Variants in RXRA observed in about 807,000 individuals in gnomAD.
RXRA encodes the protein retinoic acid receptor RXR-alpha.
Under a neutral mutation model 44.5 loss-of-function variants are expected in RXRA, and 5 were observed. The observed-to-expected ratio is 0.11, with a 90% CI of 0.06 to 0.24. The LOEUF (loss-of-function observed/expected upper bound fraction) is 0.24. RXRA is among the 10% of genes least tolerant of loss of function. The probability of loss-of-function intolerance (pLI) is 1.00; values close to 1 mark genes in which losing one functional copy is unlikely to be tolerated. For missense variants in RXRA, 412 were observed against 646.5 expected (o/e 0.64, Z 3.93); for synonymous variants, 291 against 271.4 (o/e 1.07, Z -0.71).
intron 1 of RXRA, among the ~76,000 whole-genome samples, chr9:134,401,065 A>G (rs981339043): frequency 1.3e-5 from 2 of 152,222 alleles, no homozygotes; most frequent in African/African-American, 2.4e-5. Context: ...CTGAGTACTC[A>G]GGGCCTGGCT....
chr9:134,380,104 G>A lies in RXRA; in HGVS notation c.29-21528G>A, dbSNP rs904898960. 9.1e-6 allele frequency: 9 copies of A among 985,332 alleles called. No homozygotes were observed. The Admixed American group carries it at 1.8e-4, about 20-fold the overall frequency. The allele number at this position is 985,332 out of a possible 1,614,324, so 61.0% of individuals were successfully genotyped here. A position where few individuals can be genotyped will look rare whatever the true frequency, so the allele number is the denominator to read the frequency against. Reference sequence around the variant, plus strand: ...CTCTGTTGTCGTGGTCAGTCGTGCCGCCTGAGGGCCAAGTGTGGCCTTGGC... The same window carrying A: ...CTCTGTTGTCGTGGTCAGTCGTGCCACCTGAGGGCCAAGTGTGGCCTTGGC... On this transcript the variant is annotated intron_variant, in intron 1 of 9. Coordinates refer to ENST00000481739, the MANE Select transcript of RXRA (RefSeq NM_002957.6).
At chr9:134,337,474 G>A (rs1830025200) in intron 1 of RXRA, among the ~76,000 whole-genome samples, 1 of 152,190 alleles carries the variant, frequency 6.6e-6, no homozygotes, top group African/African-American at 2.4e-5. Context: ...ATATGACCTT[G>A]GACCAGATGT....
chr9:134,338,422 C>T (rs1830039971), intron 1 of RXRA, among the ~76,000 whole-genome samples: 2 of 152,244 alleles, frequency 1.3e-5, no homozygotes, highest in African/African-American at 4.8e-5. Flanking sequence ...TGACGGGCCT[C>T]CAGCCCAAGT....
intron 4 of RXRA, among the ~76,000 whole-genome samples, chr9:134,413,410 C>T (rs757865290): frequency 3.3e-5 from 5 of 152,070 alleles, no homozygotes; most frequent in Non-Finnish European, 5.9e-5. Context: ...GCATGGTTCT[C>T]GTGTTCTGAT....
rs1831087284 is a variant in RXRA at position 134,408,161 on chromosome 9, A to G, written c.292A>G (p.Met98Val). The change falls in exon 3 of 10, where the codon ATG becomes GTG. Residue 98 changes from methionine to valine, a missense_variant. This residue lies in a region of RXRA where 156 missense variants were observed against 177.2 expected (regional missense o/e 0.88). Transcript: ENST00000481739. The part of the protein sequence containing the change: ...STGSPQLSSP[M>V]NPVSSSEDIK... The stretch of plus-strand genomic sequence containing the variant: ...TTGCCCCCCCCAGCTCAGCTCACCT[A>G]TGAACCCCGTCAGCAGCAGCGAGGA... 5.1e-6 allele frequency: 8 copies of G among 1,577,486 alleles called. 1 individual carries two copies. The highest frequency in any genetic ancestry group is 6.9e-6 in the Non-Finnish European group (8 of 1,162,214).
intron 4 of RXRA, among the ~76,000 whole-genome samples, chr9:134,410,187 T>C (rs1364829507): frequency 6.6e-6 from 1 of 152,218 alleles, no homozygotes; most frequent in Non-Finnish European, 1.5e-5. Context: ...GCTGCGAGGC[T>C]GAGTGTGGTG....
intron 1 of RXRA, among the ~76,000 whole-genome samples, chr9:134,350,314 C>G (rs889690032): frequency 6.6e-6 from 1 of 152,166 alleles, no homozygotes; most frequent in African/African-American, 2.4e-5. Context: ...TGGCCCCCGC[C>G]TCGCCAGCTG....
chr9:134,375,948 C>T (rs1830550703), intron 1 of RXRA, among the ~76,000 whole-genome samples: 1 of 145,446 alleles, frequency 6.9e-6, no homozygotes, highest in South Asian at 2.2e-4. Flanking sequence ...CCCTCCCTCC[C>T]TCCCTCTCTC....
Position 134,343,847 on chromosome 9 carries a change from C to A in RXRA, c.28+17188C>A, listed in dbSNP as rs1830117116. Among the ~76,000 whole-genome samples, 1 of 152,140 alleles carries A rather than the reference C, an allele frequency of 6.6e-6. No individual in the cohort carries two copies. The highest frequency in any genetic ancestry group is 1.5e-5 in the Non-Finnish European group (1 of 68,020). ...GAGTGTTTCTTCCCGGAAGGCGGGG[C>A]CAGCTGGCTGGGTCAGCAGATGGGC... On this transcript the variant is annotated intron_variant, in intron 1 of 9. Coordinates refer to ENST00000481739, the MANE Select transcript of RXRA (RefSeq NM_002957.6). This position sits in a 1 kb window ranked among gnomAD's most constrained non-coding sequence, Gnocchi z 4.1.
intron 6 of RXRA, chr9:134,424,440 T>TC: frequency 2.0e-6 from 2 of 985,426 alleles, no homozygotes; most frequent in Non-Finnish European, 2.4e-6. Flanking sequence ...CTGACCTGTC[T>TC]CCAGTGGGCC....
chr9:134,382,129 G>GC (rs1830655770), intron 1 of RXRA, among the ~76,000 whole-genome samples: 1 of 151,976 alleles, frequency 6.6e-6, no homozygotes, highest in South Asian at 2.1e-4. Flanking sequence ...AGGATGTGGG[G>GC]GGGCGCAGGG....
intron 9 of RXRA, among the ~76,000 whole-genome samples, chr9:134,435,961 G>C (rs1831612828): frequency 6.6e-6 from 1 of 152,166 alleles, no homozygotes; most frequent in South Asian, 2.1e-4. Context: ...AACCTCCTGG[G>C]CTCAAGCGGT....
intron 1 of RXRA, among the ~76,000 whole-genome samples, chr9:134,369,420 G>A (rs1288160958): frequency 1.6e-5 from 2 of 124,818 alleles, no homozygotes; most frequent in African/African-American, 6.2e-5. Context: ...GGTTATATGT[G>A]TGTGAGTGCA....
Position 134,399,382 on chromosome 9 carries a change from A to T in RXRA, c.29-2250A>T, listed in dbSNP as rs1308815373. 2.0e-5 allele frequency among the ~76,000 whole-genome samples: 3 copies of T among 152,212 alleles called. No homozygotes were observed. The East Asian group carries it at 5.8e-4, about 29-fold the overall frequency. ...TGGTGGTAGCTTCTCCAAGAGTTGC[A>T]GGAATCAGTAACATCAGGTTATGCA... On this transcript the variant is annotated intron_variant, in intron 1 of 9. Transcript: ENST00000481739.
chr9:134,387,830 G>T (rs958127991), intron 1 of RXRA, among the ~76,000 whole-genome samples: 2 of 152,166 alleles, frequency 1.3e-5, no homozygotes, highest in African/African-American at 4.8e-5. Flanking sequence ...CCCCAAGCCC[G>T]TGCCTCGCTT....
chr9:134,373,100 C>T (rs114874470), intron 1 of RXRA, among the ~76,000 whole-genome samples: 357 of 152,236 alleles, frequency 2.3e-3, no homozygotes, highest in African/African-American at 8.2e-3. Flanking sequence ...GAAGCGGGTG[C>T]CCAGAGAGGG....
intron 1 of RXRA, among the ~76,000 whole-genome samples, chr9:134,387,800 G>A (rs764207410): frequency 3.3e-5 from 5 of 152,214 alleles, no homozygotes; most frequent in South Asian, 2.1e-4. Flanking sequence ...GGCATCTCTG[G>A]GCTCAGCTTC....
At chr9:134,362,465 T>C (rs1830364042) in intron 1 of RXRA, among the ~76,000 whole-genome samples, 1 of 152,246 alleles carries the variant, frequency 6.6e-6, no homozygotes, top group South Asian at 2.1e-4. Context: ...TGTCCAAGGT[T>C]TGGCTTCCCC....
chr9:134,395,473 G>A (rs1291095993), intron 1 of RXRA, among the ~76,000 whole-genome samples: 1 of 152,236 alleles, frequency 6.6e-6, no homozygotes, highest in East Asian at 1.9e-4. Flanking sequence ...GTGTGGGGCC[G>A]GCAGTCCTTA....
Sources: allele counts gnomAD v4.1 joint callset (sites outside exome capture counted in the v4.1 genomes callset), GRCh38; gene constraint gnomAD v4.1.1; regional missense constraint gnomAD v4.1.1; non-coding constraint Gnocchi (gnomAD v3.1); transcripts MANE v1.5; gene names NCBI Gene and HGNC (gene_info 2026-07-23, HGNC 2026-07-21).